Variants in ANOS1 observed in about 807,000 individuals in gnomAD.
The protein encoded by ANOS1 is anosmin-1.
A neutral mutation model predicts 59.0 loss-of-function variants in ANOS1; 6 were observed. The ratio of observed to expected loss-of-function variants is 0.10; its 90% CI spans 0.06 to 0.20. The LOEUF is 0.20. Among genes scored for constraint, ANOS1 ranks in the 10% least tolerant of loss-of-function variants. ANOS1 has a pLI of 1.00. For missense variants in ANOS1, 433 were observed against 542.3 expected (o/e 0.80, Z 2.00); for synonymous variants, 217 against 223.4 (o/e 0.97, Z 0.25).
intron 8 of ANOS1, among the ~76,000 whole-genome samples, chrX:8,563,108 A>G (rs1484306759): frequency 8.9e-6 from 1 of 112,333 alleles, no homozygotes. Context: ...TAATCCGTTG[A>G]AAAGTCAATC....
At chrX:8,691,506 TGGATGGATGGATGGATGGATGGAC>T (rs1279974680) in intron 2 of ANOS1, among the ~76,000 whole-genome samples, 1 of 110,848 alleles carries the variant, frequency 9.0e-6, no homozygotes, top group Non-Finnish European at 1.9e-5. Flanking sequence ...TTAAGATGGA[TGGATGGATGGATGGATGGATGGAC>T]GGATGGATGG....
At chrX:8,729,709 T>G (rs1932953321) in intron 1 of ANOS1, among the ~76,000 whole-genome samples, 1 of 63,301 alleles carries the variant, frequency 1.6e-5, no homozygotes, top group African/African-American at 6.9e-5. Context: ...TCCTTCTAAT[T>G]ATTAAAAAAA....
At chrX:8,609,782 C>T (rs184659875) in intron 3 of ANOS1, among the ~76,000 whole-genome samples, 2,891 of 109,548 alleles carry the variant, frequency 0.026, 105 homozygotes, top group African/African-American at 0.091. Context: ...CCAAGGCAGG[C>T]GGATCACGAG....
intron 1 of ANOS1, among the ~76,000 whole-genome samples, chrX:8,717,955 T>C (rs929857310): frequency 3.6e-5 from 4 of 110,033 alleles, no homozygotes; most frequent in African/African-American, 1.3e-4. Context: ...ACCAGCTACT[T>C]GAAAGGCTGA....
intron 3 of ANOS1, among the ~76,000 whole-genome samples, chrX:8,619,609 G>GA (rs1336460751): frequency 7.9e-4 from 87 of 109,482 alleles, no homozygotes; most frequent in African/African-American, 2.7e-3. Context: ...TCTCAAAAAA[G>GA]AAAAAAAAGA....
intron 8 of ANOS1, among the ~76,000 whole-genome samples, chrX:8,558,391 T>G (rs2146799589): frequency 9.0e-6 from 1 of 110,773 alleles, no homozygotes; most frequent in South Asian, 3.9e-4. Flanking sequence ...TCTGTTTTTT[T>G]TTTAAGTAAA....
At chrX:8,579,279 C>G (rs747584660) in intron 6 of ANOS1, among the ~76,000 whole-genome samples, 15 of 111,620 alleles carry the variant, frequency 1.3e-4, no homozygotes, top group African/African-American at 4.9e-4. Context: ...AATCTGGGCT[C>G]TCTGTTGGTT....
Position 8,531,359 on chromosome X carries a change from C to T in ANOS1, c.*1636G>A, listed in dbSNP as rs1403835237. Reference sequence around the variant, plus strand: ...TGGAGTACAGTGACTTCTGAGTTATCCACTCTTCCCAGGAATGGCCAGGCA... The same window carrying T: ...TGGAGTACAGTGACTTCTGAGTTATTCACTCTTCCCAGGAATGGCCAGGCA... On this transcript the variant is annotated 3_prime_UTR_variant, in exon 14 of 14. Transcript: ENST00000262648. 2 of 111,172 alleles carry T rather than the reference C, an allele frequency of 1.8e-5. No homozygotes were observed. The highest frequency in any genetic ancestry group is 3.8e-5 in the Non-Finnish European group (2 of 53,064). 9.2% of individuals were successfully genotyped at this position (111,172 alleles called of 1,213,427 possible). A position where few individuals can be genotyped will look rare whatever the true frequency, so the allele number is the denominator to read the frequency against.
At chrX:8,620,055 C>T (rs1412285084) in intron 3 of ANOS1, among the ~76,000 whole-genome samples, 1 of 112,191 alleles carries the variant, frequency 8.9e-6, no homozygotes, top group Non-Finnish European at 1.9e-5. Flanking sequence ...GCCTCAGCTT[C>T]CCAAAGTGCT....
At chrX:8,715,874 G>C (rs376668101) in intron 1 of ANOS1, among the ~76,000 whole-genome samples, 6 of 109,678 alleles carry the variant, frequency 5.5e-5, no homozygotes, top group African/African-American at 2.0e-4. Context: ...TGGGGCTACA[G>C]GCATGCACCA....
rs2146784021 is a variant in ANOS1, at chrX:8,531,614, A to G, written c.*1381T>C. The G allele has an allele frequency of 9.0e-6, 1 of 111,629 alleles. No individual in the cohort carries two copies. Among genetic ancestry groups the G allele is most frequent in the African/African-American group, 3.2e-5 (1 of 30,806 alleles). 9.2% of individuals were successfully genotyped at this position (111,629 alleles called of 1,213,427 possible). A position where few individuals can be genotyped will look rare whatever the true frequency, so the allele number is the denominator to read the frequency against. ...TAAAAGAGCTGTATCTTTACTCACC[A>G]TTGGTGAGCTACGAAAACGATTTCT... On this transcript the variant is annotated 3_prime_UTR_variant, in exon 14 of 14. Transcript: ENST00000262648.
intron 2 of ANOS1, among the ~76,000 whole-genome samples, chrX:8,664,476 A>G (rs1181036340): frequency 3.6e-5 from 4 of 110,272 alleles, no homozygotes; most frequent in African/African-American, 1.3e-4. Flanking sequence ...TACAGGTGTG[A>G]GCCACCGCCC....
intron 4 of ANOS1, 134 bp downstream of exon 4, chrX:8,596,900 G>T: frequency 1.0e-6 from 1 of 996,558 alleles, no homozygotes; most frequent in Non-Finnish European, 1.4e-6. Flanking sequence ...ATGTCTGTAT[G>T]TGGTATAAAA....
chrX:8,576,475 C>T (rs1026333979), intron 6 of ANOS1, among the ~76,000 whole-genome samples: 3 of 101,341 alleles, frequency 3.0e-5, no homozygotes, highest in African/African-American at 1.2e-4. Context: ...TATACACACA[C>T]ACACACACAC....
intron 2 of ANOS1, among the ~76,000 whole-genome samples, chrX:8,647,638 T>A (rs769984893): frequency 8.9e-6 from 1 of 112,091 alleles, no homozygotes; most frequent in Admixed American, 9.5e-5. Flanking sequence ...GGAATCTTTA[T>A]GTAAAAAAAA....
intron 2 of ANOS1, among the ~76,000 whole-genome samples, chrX:8,645,286 G>A (rs1485363950): frequency 8.9e-6 from 1 of 112,160 alleles, no homozygotes; most frequent in East Asian, 2.8e-4. Context: ...TCCAGCAGGA[G>A]GGGAAATGGC....
chrX:8,572,922 G>A (rs777388729), intron 6 of ANOS1, among the ~76,000 whole-genome samples: 1 of 111,100 alleles, frequency 9.0e-6, no homozygotes, highest in South Asian at 3.9e-4. Flanking sequence ...ATTGGAATGG[G>A]AAGCACCCCA....
chrX:8,656,703 G>A (rs1227387499), intron 2 of ANOS1, among the ~76,000 whole-genome samples: 3 of 111,500 alleles, frequency 2.7e-5, no homozygotes, highest in Non-Finnish European at 5.6e-5. Flanking sequence ...GTTCTGCAAA[G>A]TCCAGGCTCT....
intron 2 of ANOS1, among the ~76,000 whole-genome samples, chrX:8,664,254 G>A (rs767618206): frequency 2.7e-5 from 3 of 111,798 alleles, no homozygotes; most frequent in Non-Finnish European, 3.8e-5. Context: ...GCAGTGGCGC[G>A]ATCTTGGCTC....
Sources: allele counts gnomAD v4.1 joint callset (sites outside exome capture counted in the v4.1 genomes callset), GRCh38; gene constraint gnomAD v4.1.1; transcripts MANE v1.5; gene names NCBI Gene and HGNC (gene_info 2026-07-23, HGNC 2026-07-21).